TNRC18: variants seen among roughly 807,000 people sequenced by gnomAD.
TNRC18 encodes trinucleotide repeat-containing gene 18 protein.
TNRC18 carries 69 observed loss-of-function variants against 226.7 expected under a neutral mutation model. That is an observed-to-expected ratio of 0.30 (90% CI 0.25 to 0.37). TNRC18 has a LOEUF of 0.37. Among genes scored for constraint, TNRC18 ranks in the 10% least tolerant of loss-of-function variants. TNRC18 has a pLI of 1.00. For missense variants in TNRC18, 4,754 were observed against 4,256.6 expected (o/e 1.12, Z -3.25); for synonymous variants, 2,449 against 1,927.6 (o/e 1.27, Z -7.09).
At position 5,378,015 on chromosome 7, in the gene TNRC18, C is replaced by T. The variant is rs779443833; in HGVS notation, c.2162G>A (p.Arg721Gln). The change falls in exon 6 of 30, where the codon CGA becomes CAA. Residue 721 changes from arginine (R) to glutamine (Q), a missense_variant. Arg to Gln is a conservative substitution (Grantham distance 43). Transcript: ENST00000430969. ...LSLSNVKGHGRADEDCVDDRA... is the reference protein window; with the variant it reads ...LSLSNVKGHGQADEDCVDDRA... ...GTCGTCCACACAGTCCTCATCTGCT[C>T]GGCCGTGCCCTGCAGGGGGCCAGGT... 35 of 1,610,452 alleles carry T rather than the reference C, an allele frequency of 2.2e-5. No homozygotes were observed. Among genetic ancestry groups the T allele is most frequent in the Non-Finnish European group, 2.8e-5 (33 of 1,179,492 alleles).
At chr7:5,372,845 A>G (rs1243014771) in intron 10 of TNRC18, among the ~76,000 whole-genome samples, 1 of 152,168 alleles carries the variant, frequency 6.6e-6, no homozygotes, top group African/African-American at 2.4e-5. Flanking sequence ...CAACAAAGCA[A>G]GACACATCTG....
At chr7:5,345,524 C>CCCCCCCCCCCCCCCCCCCCCCCCG in intron 18 of TNRC18, 38 bp downstream of exon 18, 1 of 182,374 alleles carries the variant, frequency 5.5e-6, no homozygotes, top group Non-Finnish European at 1.2e-5. Context: ...TCCGCCCCTC[C>CCCCCCCCCCCCCCCCCCCCCCCCG]CACCCACCCC....
At chr7:5,385,312 C>A (rs1043209466) in intron 5 of TNRC18, among the ~76,000 whole-genome samples, 2 of 152,030 alleles carry the variant, frequency 1.3e-5, no homozygotes, top group Non-Finnish European at 2.9e-5. Flanking sequence ...CAAGGTGAAA[C>A]CCCGTCTCTA....
In TNRC18 at chr7:5,312,764, C is replaced by T. The variant is rs1787359873; in HGVS notation, c.8127G>A (p.Lys2709=). ...LPTKATKQAG[K]ARPSAHSPGK... ...CTGGGGAGTGGGCCGAGGGCCGCGC[C>T]TTGCCGGCCTGCTTGGTGGCCTTGG... Residue 2709 remains lysine (K), a synonymous_variant, in exon 27 of 30, where the codon AAG becomes AAA. Transcript: ENST00000430969. The surrounding 1 kb of genome is among the most constrained non-coding windows in gnomAD (Gnocchi z 6.3). The T allele has an allele frequency of 6.5e-7, 1 of 1,533,214 alleles. No homozygotes were observed. The highest frequency in any genetic ancestry group is 1.3e-5 in the South Asian group (1 of 77,366). 95.0% of individuals were successfully genotyped at this position (1,533,214 alleles called of 1,614,324 possible).
At chr7:5,402,531 T>C (rs1000977123) in intron 2 of TNRC18, among the ~76,000 whole-genome samples, 5 of 147,830 alleles carry the variant, frequency 3.4e-5, no homozygotes, top group Non-Finnish European at 5.9e-5. Context: ...AGACCCTGTC[T>C]CAAAAAGACA....
chr7:5,420,336 G>A (rs926178219), intron 2 of TNRC18: 19 of 455,496 alleles, frequency 4.2e-5, no homozygotes, highest in Non-Finnish European at 7.1e-5. Flanking sequence ...TTCCCCCTAG[G>A]TTCGGGACCG....
At chr7:5,342,489 C>CTCAAGA (rs1051612693) in intron 18 of TNRC18, among the ~76,000 whole-genome samples, 19 of 151,542 alleles carry the variant, frequency 1.3e-4, no homozygotes, top group Non-Finnish European at 1.5e-5. Flanking sequence ...CTATGAAAGG[C>CTCAAGA]TCAAGACTTC....
At chr7:5,325,289 G>A (rs1164900638) in intron 19 of TNRC18, 41 bp from the exon 20 acceptor site, 10 of 1,537,580 alleles carry the variant, frequency 6.5e-6, no homozygotes, top group Non-Finnish European at 8.7e-6. Flanking sequence ...CAAACGGCAG[G>A]GAAAGCACAG....
intron 29 of TNRC18, 33 bp downstream of exon 29, chr7:5,308,842 A>ACC: frequency 9.0e-6 from 3 of 334,798 alleles, no homozygotes; most frequent in South Asian, 3.4e-5. Flanking sequence ...AGCCATCCCC[A>ACC]ACCCGCCCAC....
intron 5 of TNRC18, among the ~76,000 whole-genome samples, chr7:5,382,292 G>C (rs532404600): frequency 1.8e-4 from 27 of 152,308 alleles, no homozygotes; most frequent in African/African-American, 5.8e-4. Flanking sequence ...CTCCAGCCAC[G>C]TCACTGCCGC....
At position 5,308,859 on chromosome 7, in the gene TNRC18, C is replaced by T; in HGVS notation, c.8700+16G>A. On this transcript the variant is annotated intron_variant, in intron 29 of 29. Coordinates refer to ENST00000430969, the MANE Select transcript of TNRC18 (RefSeq NM_001080495.3). The stretch of plus-strand genomic sequence containing the variant: ...CCATCCCCAACCCGCCCACCACCAC[C>T]ACCACCACCACCTACCTCCATGAAG... 6.4e-7 allele frequency: 1 copy of T among 1,566,528 alleles called. No homozygotes were observed. Among genetic ancestry groups the T allele is most frequent in the South Asian group, 1.2e-5 (1 of 85,260 alleles).
intron 2 of TNRC18, 173 bp downstream of exon 2, chr7:5,420,887 C>CGCCGGGGCCGCCGGACCG: frequency 1.2e-6 from 1 of 838,968 alleles, no homozygotes; most frequent in South Asian, 1.4e-5. Flanking sequence ...CACTCTCCAC[C>CGCCGGGGCCGCCGGACCG]GCCTTGGCTC....
intron 8 of TNRC18, among the ~76,000 whole-genome samples, chr7:5,376,639 T>C (rs1794708501): frequency 6.6e-6 from 1 of 152,114 alleles, no homozygotes; most frequent in Admixed American, 6.5e-5. Flanking sequence ...CGCTTCTCTT[T>C]ATGGAGTTTT....
chr7:5,370,008 C>A (rs902682511), intron 11 of TNRC18, among the ~76,000 whole-genome samples: 3 of 151,928 alleles, frequency 2.0e-5, no homozygotes, highest in Non-Finnish European at 4.4e-5. Flanking sequence ...ATTTAAAAAT[C>A]TTATAAAAAA....
At chr7:5,367,577 G>A (rs562260963) in intron 11 of TNRC18, among the ~76,000 whole-genome samples, 15 of 150,984 alleles carry the variant, frequency 9.9e-5, no homozygotes, top group Non-Finnish European at 1.6e-4. Context: ...ACAGGTGCCC[G>A]CCACCACGCC....
intron 11 of TNRC18, among the ~76,000 whole-genome samples, chr7:5,369,736 T>C (rs1375123694): frequency 6.6e-6 from 1 of 152,168 alleles, no homozygotes; most frequent in Non-Finnish European, 1.5e-5. Context: ...AGCCAATTAA[T>C]TCTCTCCTGC....
intron 4 of TNRC18, 135 bp from the exon 5 acceptor site, chr7:5,389,471 T>TTTTTTTATTTTC: frequency 1.1e-6 from 1 of 923,914 alleles, no homozygotes; most frequent in Non-Finnish European, 1.4e-6. Flanking sequence ...GTTTTTTTTT[T>TTTTTTTATTTTC]CAGAAAGAGT....
chr7:5,419,502 G>C (rs1584138464), intron 2 of TNRC18, among the ~76,000 whole-genome samples: 2 of 152,206 alleles, frequency 1.3e-5, no homozygotes, highest in Admixed American at 6.5e-5. Flanking sequence ...TGTGGGGAGC[G>C]CAAAAGGGGA....
rs752006764 is a variant in TNRC18, at chr7:5,376,108, G to A, written c.2725C>T (p.Arg909Trp). Residue 909 changes from arginine (R) to tryptophan (W), a missense_variant, in exon 9 of 30, where the codon CGG becomes TGG. Physicochemically the swap from Arg to Trp is moderately radical, Grantham distance 101. Transcript: ENST00000430969. ...LQLFSQQHFL[R>W]QQEFLYLQQQ... Reference sequence around the variant, plus strand: ...TGCAGGTACAGGAACTCCTGCTGCCGCAGGAAGTGCTGCTGTGAGAAGAGC... The same window carrying A: ...TGCAGGTACAGGAACTCCTGCTGCCACAGGAAGTGCTGCTGTGAGAAGAGC... 13 of 1,591,596 alleles carry A rather than the reference G, an allele frequency of 8.2e-6. No homozygotes were observed. The highest frequency in any genetic ancestry group is 4.6e-5 in the East Asian group (2 of 43,746).
Sources: allele counts gnomAD v4.1 joint callset (sites outside exome capture counted in the v4.1 genomes callset), GRCh38; gene constraint gnomAD v4.1.1; non-coding constraint Gnocchi (gnomAD v3.1); transcripts MANE v1.5; gene names NCBI Gene and HGNC (gene_info 2026-07-23, HGNC 2026-07-21).